Variants in CASK observed in about 807,000 individuals in gnomAD.
The protein encoded by CASK is peripheral plasma membrane protein CASK.
In CASK, 4 loss-of-function variants were observed where a neutral mutation model predicts 82.9. The observed-to-expected ratio is 0.05, with a 90% CI of 0.02 to 0.11. The LOEUF is 0.11. Among genes scored for constraint, CASK ranks in the 10% least tolerant of loss-of-function variants. The pLI, the probability that CASK is intolerant of heterozygous loss-of-function variation, is 1.00. For missense variants in CASK, 358 were observed against 720.9 expected (o/e 0.50, Z 5.76); for synonymous variants, 259 against 253.5 (o/e 1.02, Z -0.20).
At chrX:41,710,012 A>G (rs1238757589) in intron 5 of CASK, among the ~76,000 whole-genome samples, 3 of 108,779 alleles carry the variant, frequency 2.8e-5, no homozygotes, top group African/African-American at 1.0e-4. Flanking sequence ...CTGGGCACTG[A>G]TATATGATGC....
At chrX:41,903,543 A>C in intron 1 of CASK, among the ~76,000 whole-genome samples, 1 of 112,454 alleles carries the variant, frequency 8.9e-6, no homozygotes, top group East Asian at 2.8e-4. Context: ...TACCTACCAC[A>C]GGCATTTGTT....
chrX:41,608,550 T>G (rs1386506421), intron 12 of CASK, among the ~76,000 whole-genome samples: 1 of 112,245 alleles, frequency 8.9e-6, no homozygotes, highest in Non-Finnish European at 1.9e-5. Flanking sequence ...GGGAAGATTT[T>G]TCTTGTAAAA....
chrX:41,858,925 C>T (rs2071423429), intron 1 of CASK, among the ~76,000 whole-genome samples: 1 of 110,792 alleles, frequency 9.0e-6, no homozygotes, highest in Non-Finnish European at 1.9e-5. Flanking sequence ...TTTGAAGGCA[C>T]TTCAAAAAAA....
At chrX:41,620,472 T>C (rs1388514070) in intron 11 of CASK, among the ~76,000 whole-genome samples, 1 of 112,128 alleles carries the variant, frequency 8.9e-6, no homozygotes, top group Non-Finnish European at 1.9e-5. Flanking sequence ...AATTAATACA[T>C]TGTATTACTA....
intron 1 of CASK, among the ~76,000 whole-genome samples, chrX:41,913,028 A>C (rs1569482073): frequency 9.1e-6 from 1 of 109,416 alleles, no homozygotes; most frequent in Non-Finnish European, 1.9e-5. Context: ...CTCTGTAATG[A>C]TTTCCCCAAC....
intron 3 of CASK, among the ~76,000 whole-genome samples, chrX:41,753,927 T>C (rs1252280659): frequency 8.9e-6 from 1 of 112,243 alleles, no homozygotes; most frequent in Non-Finnish European, 1.9e-5. Context: ...TTAATAAATC[T>C]AGAAAATTCC....
At chrX:41,723,909 T>C (rs2147666653) in intron 5 of CASK, among the ~76,000 whole-genome samples, 1 of 112,206 alleles carries the variant, frequency 8.9e-6, no homozygotes, top group Admixed American at 9.5e-5. Context: ...CACTGTGTCA[T>C]ATAAAACTGG....
At chrX:41,847,483 G>A (rs1293119641) in intron 2 of CASK, among the ~76,000 whole-genome samples, 1 of 110,982 alleles carries the variant, frequency 9.0e-6, no homozygotes, top group African/African-American at 3.3e-5. Flanking sequence ...TCTCATTATT[G>A]ATACTTTCCA....
At position 41,520,374 on chromosome X, in the gene CASK, C is replaced by T; in HGVS notation, c.*46G>A. ...AAGGCCGATAACAAAGAGGCTTTTCCACAAATGAGGTGCTCCCAGTTATGC... is the reference window on the plus strand; with the variant it reads ...AAGGCCGATAACAAAGAGGCTTTTCTACAAATGAGGTGCTCCCAGTTATGC... On this transcript the variant is annotated 3_prime_UTR_variant, in exon 27 of 27. Coordinates refer to ENST00000378163, the MANE Select transcript of CASK (RefSeq NM_001367721.1). 9.2e-7 allele frequency: 1 copy of T among 1,087,327 alleles called. No homozygotes were observed. The highest frequency in any genetic ancestry group is 1.3e-6 in the Non-Finnish European group (1 of 790,390). The allele number at this position is 1,087,327 out of a possible 1,213,427, so 89.6% of individuals were successfully genotyped here.
chrX:41,876,392 A>C (rs903270364), intron 1 of CASK, among the ~76,000 whole-genome samples: 2 of 111,540 alleles, frequency 1.8e-5, no homozygotes, highest in African/African-American at 6.5e-5. Flanking sequence ...CCAGATCCAA[A>C]GTCCATGACT....
In CASK at chrX:41,866,242, A is replaced by T. The variant is rs760935585; in HGVS notation, c.60-13015T>A. Among the ~76,000 whole-genome samples, 4 of 112,417 alleles carry T rather than the reference A, an allele frequency of 3.6e-5. No homozygotes were observed. In the South Asian group the frequency reaches 1.1e-3, roughly 31 times the overall value. ...ATAATGGGGACAGATCAGAGTGCCC[A>T]CCGGGACCCACTGTGAAACAGTGGG... On this transcript the variant is annotated intron_variant, in intron 1 of 26. Coordinates refer to ENST00000378163, the MANE Select transcript of CASK (RefSeq NM_001367721.1).
At chrX:41,668,181 C>G (rs929398465) in intron 6 of CASK, among the ~76,000 whole-genome samples, 19 of 111,530 alleles carry the variant, frequency 1.7e-4, no homozygotes, top group African/African-American at 6.2e-4. Context: ...TAAGTCCCTG[C>G]ATCCAATGCT....
chrX:41,538,328 T>C (rs2064903809), intron 22 of CASK, among the ~76,000 whole-genome samples: 2 of 112,176 alleles, frequency 1.8e-5, no homozygotes, highest in African/African-American at 6.5e-5. Context: ...TGTTCAAATA[T>C]GTGTATGTAA....
chrX:41,842,505 G>A (rs1266585520), intron 2 of CASK, among the ~76,000 whole-genome samples: 1 of 108,236 alleles, frequency 9.2e-6, no homozygotes, highest in Non-Finnish European at 1.9e-5. Context: ...CCCAGGAGGC[G>A]AAGGTTGCAG....
At chrX:41,550,754 GA>G (rs1269720225) in intron 21 of CASK, among the ~76,000 whole-genome samples, 1 of 107,456 alleles carries the variant, frequency 9.3e-6, no homozygotes, top group African/African-American at 3.4e-5. Flanking sequence ...AAAAGAAAAA[GA>G]AAAAAATTAG....
chrX:41,671,209 T>C (rs2067193152), intron 6 of CASK, among the ~76,000 whole-genome samples: 1 of 111,807 alleles, frequency 8.9e-6, no homozygotes, highest in African/African-American at 3.3e-5. Flanking sequence ...GTACTGGAGG[T>C]ACAAAGAGAA....
intron 2 of CASK, among the ~76,000 whole-genome samples, chrX:41,816,772 T>C (rs895653044): frequency 4.5e-5 from 5 of 111,499 alleles, no homozygotes; most frequent in African/African-American, 1.6e-4. Context: ...AACAGACAAA[T>C]TTCATGAAAG....
chrX:41,696,594 T>G, intron 5 of CASK: 1 of 1,210,050 alleles, frequency 8.3e-7, no homozygotes, highest in Non-Finnish European at 1.1e-6. Context: ...TTTCAATAGT[T>G]GCTTAGATCC....
intron 12 of CASK, among the ~76,000 whole-genome samples, chrX:41,592,763 G>C (rs1042468568): frequency 9.0e-6 from 1 of 111,672 alleles, no homozygotes; most frequent in Non-Finnish European, 1.9e-5. Flanking sequence ...GCACTTACTA[G>C]ATGATAGTTA....
Sources: allele counts gnomAD v4.1 joint callset (sites outside exome capture counted in the v4.1 genomes callset), GRCh38; gene constraint gnomAD v4.1.1; transcripts MANE v1.5; gene names NCBI Gene and HGNC (gene_info 2026-07-23, HGNC 2026-07-21).